SNAP47: variants seen among roughly 807,000 people sequenced by gnomAD.
SNAP47 encodes synaptosome associated protein 47.
In SNAP47, 20 loss-of-function variants were observed where a neutral mutation model predicts 31.4. The ratio of observed to expected loss-of-function variants is 0.64; its 90% CI spans 0.45 to 0.93. The LOEUF (loss-of-function observed/expected upper bound fraction) is 0.93. Among genes scored for constraint, SNAP47 ranks in the 40% least tolerant of loss-of-function variants. The pLI is 0.00. For missense variants in SNAP47, 492 were observed against 528.5 expected (o/e 0.93, Z 0.68); for synonymous variants, 194 against 213.4 (o/e 0.91, Z 0.79).
rs143549906 is a variant in SNAP47 at position 227,762,723 on chromosome 1, C to A, written c.988+3238C>A. Among the ~76,000 whole-genome samples the A allele has an allele frequency of 6.6e-6, 1 of 152,336 alleles. No individual in the cohort carries two copies. The highest frequency in any genetic ancestry group is 1.5e-5 in the Non-Finnish European group (1 of 68,034). On this transcript the variant is annotated intron_variant, in intron 3 of 4. Transcript: ENST00000617596. This position sits in a 1 kb window ranked among gnomAD's most constrained non-coding sequence, Gnocchi z 4.2. ...TGCACGTTTTATTTTATTCTAGACA[C>A]TCGTCCTTGCGTTGAGGAGCACCCA...
chr1:227,744,345 G>T (rs774652882), intron 1 of SNAP47, among the ~76,000 whole-genome samples: 5 of 152,166 alleles, frequency 3.3e-5, no homozygotes, highest in Non-Finnish European at 7.3e-5. Context: ...CAGCTGATTG[G>T]CATGTATGCA....
rs1661595747 is a variant in SNAP47, at chr1:227,741,509, C to A, written c.-46+6010C>A. ...CATGTTGATGTCTTGTGTGTGGCCA[C>A]TTTCATTCCACCCCAGCAGAGCTGT... On this transcript the variant is annotated intron_variant, in intron 1 of 4. Coordinates refer to ENST00000617596, the MANE Select transcript of SNAP47 (RefSeq NM_053052.4). This position sits in a 1 kb window ranked among gnomAD's most constrained non-coding sequence, Gnocchi z 4.2. Among the ~76,000 whole-genome samples the A allele has an allele frequency of 6.6e-6, 1 of 152,196 alleles. No homozygotes were observed. Among genetic ancestry groups the A allele is most frequent in the Admixed American group, 6.5e-5 (1 of 15,290 alleles).
At chr1:227,738,438 T>G (rs578001340) in intron 1 of SNAP47, among the ~76,000 whole-genome samples, 17 of 152,058 alleles carry the variant, frequency 1.1e-4, no homozygotes, top group Non-Finnish European at 2.5e-4. Flanking sequence ...TCCACTCTTC[T>G]CTCCCCCCAG....
chr1:227,728,658 T>C (rs1280235724), exon 1 of SNAP47: 1 of 142,254 alleles, frequency 7.0e-6, no homozygotes, highest in Non-Finnish European at 1.5e-5. Flanking sequence ...ACCAAAGTCA[T>C]GAGGGCAAGG....
At chr1:227,739,975 G>A (rs1237569222) in intron 1 of SNAP47, among the ~76,000 whole-genome samples, 1 of 152,256 alleles carries the variant, frequency 6.6e-6, no homozygotes, top group Non-Finnish European at 1.5e-5. Context: ...GAGGGCATAG[G>A]CACAGCTCTG....
upstream of SNAP47, chr1:227,734,119 G>A (rs537511424): frequency 1.7e-5 from 25 of 1,454,888 alleles, no homozygotes; most frequent in South Asian, 1.4e-4. Context: ...GAGACCAATC[G>A]GCTCCAGTGG....
rs1204564141 is a variant in SNAP47, at chr1:227,741,599, G to A, written c.-45-6093G>A. On this transcript the variant is annotated intron_variant, in intron 1 of 4. Coordinates refer to ENST00000617596, the MANE Select transcript of SNAP47 (RefSeq NM_053052.4). The surrounding 1 kb of genome is among the most constrained non-coding windows in gnomAD (Gnocchi z 4.2). ...GTGCAGTGCCTGGCATGGGAGGGCC[G>A]GAGAGGTCTGGGGGCTGAGAGAGAG... Among the ~76,000 whole-genome samples the A allele has an allele frequency of 3.9e-5, 6 of 152,258 alleles. No individual in the cohort carries two copies. Among genetic ancestry groups the A allele is most frequent in the African/African-American group, 9.6e-5 (4 of 41,554 alleles).
At chr1:227,769,734 G>A (rs1663670616) in intron 4 of SNAP47, among the ~76,000 whole-genome samples, 1 of 152,140 alleles carries the variant, frequency 6.6e-6, no homozygotes, top group African/African-American at 2.4e-5. Context: ...GGGGCTGTAG[G>A]AGGTGGATTT....
chr1:227,729,322 T>C (rs1394811833), intron 1 of SNAP47, among the ~76,000 whole-genome samples: 4 of 152,138 alleles, frequency 2.6e-5, no homozygotes, highest in Admixed American at 1.3e-4. Context: ...CTGGACATCT[T>C]GGTCCCTACC....
upstream of SNAP47, chr1:227,732,806 GT>G: frequency 6.3e-7 from 1 of 1,596,608 alleles, no homozygotes; most frequent in Non-Finnish European, 8.5e-7. Flanking sequence ...AAGCTGCGCG[GT>G]GACCAAGGGA....
upstream of SNAP47, chr1:227,732,209 G>T: frequency 1.5e-6 from 1 of 669,128 alleles, no homozygotes. Context: ...CCCATCTTGG[G>T]TCCCTGACCT....
chr1:227,764,916 A>C (rs1263810288), intron 3 of SNAP47, among the ~76,000 whole-genome samples: 1 of 151,836 alleles, frequency 6.6e-6, no homozygotes, highest in Non-Finnish European at 1.5e-5. Flanking sequence ...AACAAACAAA[A>C]ACACAAAAAT....
In SNAP47 at chr1:227,735,490, C is replaced by G; in HGVS notation, c.-55C>G. The G allele has an allele frequency of 4.2e-6, 6 of 1,415,942 alleles. 1 individual carries two copies. In the South Asian group the frequency reaches 4.7e-5, roughly 11 times the overall value. The allele number at this position is 1,415,942 out of a possible 1,614,324, so 87.7% of individuals were successfully genotyped here. ...GCGGTCGGCTCTGGGACTCGTCTGG[C>G]GTCCCTCAGGTGAGCGACGGTGTTG... On this transcript the variant is annotated 5_prime_UTR_variant, in exon 1 of 5. Transcript: ENST00000617596.
chr1:227,752,799 G>A (rs1419578288), intron 2 of SNAP47, among the ~76,000 whole-genome samples: 1 of 152,150 alleles, frequency 6.6e-6, no homozygotes, highest in African/African-American at 2.4e-5. Flanking sequence ...GGGAAATTAA[G>A]GGAGATGATT....
At chr1:227,736,950 T>C (rs936014129) in intron 1 of SNAP47, among the ~76,000 whole-genome samples, 2 of 152,146 alleles carry the variant, frequency 1.3e-5, no homozygotes, top group African/African-American at 2.4e-5. Flanking sequence ...TTATGGAGTT[T>C]ATAGGAAGGT....
chr1:227,737,363 C>T (rs1293246330), intron 1 of SNAP47, among the ~76,000 whole-genome samples: 1 of 152,162 alleles, frequency 6.6e-6, no homozygotes, highest in East Asian at 1.9e-4. Context: ...TCATCTCTCC[C>T]AGAGAAATGA....
Position 227,780,574 on chromosome 1 carries a change from G to A in SNAP47, c.1161G>A (p.Leu387=), listed in dbSNP as rs1352675182. The change falls in exon 5 of 5, where the codon CTG becomes CTA. Residue 387 remains leucine, a synonymous_variant. Coordinates refer to ENST00000617596, the MANE Select transcript of SNAP47 (RefSeq NM_053052.4). Reference sequence around the variant, plus strand: ...TGGCCCTGGAGGCCGAGAGTGAGCTGGAGAGACAAGACGAAGCCCTGGATG... The same window carrying A: ...TGGCCCTGGAGGCCGAGAGTGAGCTAGAGAGACAAGACGAAGCCCTGGATG... ...KGLALEAESE[L]ERQDEALDGV... is the part of the protein sequence containing the mutation. 2 of 1,614,180 alleles carry A rather than the reference G, an allele frequency of 1.2e-6. No homozygotes were observed. Among genetic ancestry groups the A allele is most frequent in the East Asian group, 2.2e-5 (1 of 44,890 alleles).
Position 227,748,201 on chromosome 1 carries a change from C to T in SNAP47, c.465C>T (p.Asp155=), listed in dbSNP as rs1440942503. The part of the protein sequence containing the change: ...QQLDSVMRGL[D]KMESDLEVAD... ...TGGACAGCGTCATGAGAGGCCTGGA[C>T]AAGATGGAGTCAGACCTGGAGGTGG... The change falls in exon 2 of 5, where the codon GAC becomes GAT. Residue 155 remains aspartate, a synonymous_variant. Coordinates refer to ENST00000617596, the MANE Select transcript of SNAP47 (RefSeq NM_053052.4). 1 of 1,602,292 alleles carries T rather than the reference C, an allele frequency of 6.2e-7. No homozygotes were observed. Among genetic ancestry groups the T allele is most frequent in the Non-Finnish European group, 8.5e-7 (1 of 1,174,310 alleles).
chr1:227,766,750 A>G (rs751624472), intron 3 of SNAP47, among the ~76,000 whole-genome samples: 59 of 152,234 alleles, frequency 3.9e-4, no homozygotes, highest in Non-Finnish European at 2.5e-4. Flanking sequence ...AGAGGTACAG[A>G]GTGGCCACCG....
Sources: gnomAD v4.1 joint callset for allele counts (sites outside exome capture counted in the v4.1 genomes callset) on GRCh38, gnomAD v4.1.1 for gene constraint, Gnocchi (gnomAD v3.1) non-coding constraint, MANE v1.5 for transcripts, NCBI Gene and HGNC (gene_info 2026-07-23, HGNC 2026-07-21) for gene names.